SLC35D1: variants seen among roughly 807,000 people sequenced by gnomAD.
SLC35D1 encodes solute carrier family 35 member D1, also known as nucleotide sugar transporter SLC35D1.
Under a neutral mutation model 46.7 loss-of-function variants are expected in SLC35D1, and 31 were observed. The observed-to-expected ratio is 0.66, with a 90% CI of 0.50 to 0.90. The LOEUF is 0.90. Among genes scored for constraint, SLC35D1 ranks in the 40% least tolerant of loss-of-function variants. The probability of loss-of-function intolerance (pLI) is 0.00; values close to 1 mark genes in which losing one functional copy is unlikely to be tolerated. For synonymous variants in SLC35D1, 195 were observed against 164.6 expected, an observed-to-expected ratio of 1.18 and a Z score of -1.41; for missense variants, 397 against 426.2, an observed-to-expected ratio of 0.93 and a Z score of 0.60.
the SLC35D1 span, among the ~76,000 whole-genome samples, chr1:66,990,777 C>G: frequency 5.3e-5 from 8 of 152,096 alleles, no homozygotes; most frequent in African/African-American, 9.7e-5. Flanking sequence ...CTTAGAGTGG[C>G]CAGACCCCCT....
intron 8 of SLC35D1, among the ~76,000 whole-genome samples, chr1:67,027,364 T>C (rs1667935330): frequency 6.6e-6 from 1 of 152,204 alleles, no homozygotes; most frequent in Non-Finnish European, 1.5e-5. Flanking sequence ...TGGTTTTCAT[T>C]GCATTGATTT....
At chr1:67,034,370 T>C (rs1668080938) in intron 8 of SLC35D1, among the ~76,000 whole-genome samples, 1 of 152,208 alleles carries the variant, frequency 6.6e-6, no homozygotes, top group Admixed American at 6.5e-5. Context: ...ATTTCTTGCA[T>C]CAGTGTTTTA....
chr1:67,050,276 A>G (rs1570646566), intron 5 of SLC35D1, among the ~76,000 whole-genome samples, 157 bp downstream of exon 5: 1 of 152,022 alleles, frequency 6.6e-6, no homozygotes, highest in Non-Finnish European at 1.5e-5. Context: ...CCCAACTACC[A>G]CTCCCACAAA....
the SLC35D1 span, chr1:66,985,264 G>T: frequency 1.0e-6 from 1 of 978,484 alleles, no homozygotes; most frequent in Non-Finnish European, 1.2e-6. Flanking sequence ...TCACTACAAG[G>T]TAATTTTTGC....
downstream of SLC35D1, among the ~76,000 whole-genome samples, chr1:66,996,604 A>G (rs923139892): frequency 6.6e-6 from 1 of 152,170 alleles, no homozygotes; most frequent in Non-Finnish European, 1.5e-5. Context: ...GGCTTGATGG[A>G]TGGATGAACC....
chr1:67,021,788 G>A (rs1200817880), intron 8 of SLC35D1, among the ~76,000 whole-genome samples, 186 bp from the exon 9 acceptor site: 1 of 151,198 alleles, frequency 6.6e-6, no homozygotes, highest in Admixed American at 6.6e-5. Flanking sequence ...TTACTCCAAG[G>A]ATAGAGAGTG....
intron 1 of SLC35D1, 120 bp from the exon 2 acceptor site, chr1:67,053,109 C>T: frequency 8.4e-7 from 1 of 1,190,698 alleles, no homozygotes; most frequent in Non-Finnish European, 1.2e-6. Context: ...CAACGTCCGC[C>T]CCTAAATCAA....
intron 11 of SLC35D1, chr1:67,008,485 C>T: frequency 7.8e-7 from 1 of 1,285,924 alleles, no homozygotes; most frequent in Non-Finnish European, 1.0e-6. Context: ...AGTTACAGTT[C>T]CTGAGACAGG....
Position 67,019,242 on chromosome 1 carries a change from T to C in SLC35D1, c.876+1127A>G, listed in dbSNP as rs114684243. Among the ~76,000 whole-genome samples the C allele has an allele frequency of 3.1e-3, 466 of 152,306 alleles. 1 individual carries two copies. The highest frequency in any genetic ancestry group is 0.011 in the African/African-American group (437 of 41,574). ...ATTTCTCACATTCTCGCTACTCTTA[T>C]GCTGAAGACGAAAGCCATCCACTTT... On this transcript the variant is annotated intron_variant, in intron 10 of 11. Coordinates refer to ENST00000235345, the MANE Select transcript of SLC35D1 (RefSeq NM_015139.3).
intron 6 of SLC35D1, among the ~76,000 whole-genome samples, chr1:67,047,891 A>C (rs2208577): frequency 0.69 from 104,925 of 152,024 alleles, 36,459 homozygotes; most frequent in African/African-American, 0.77. Flanking sequence ...GCAGGAACTC[A>C]AATACTTAAA....
intron 7 of SLC35D1, among the ~76,000 whole-genome samples, chr1:67,043,109 C>A (rs940138487): frequency 1.3e-5 from 2 of 151,826 alleles, no homozygotes; most frequent in African/African-American, 4.8e-5. Context: ...GCGGGAGAAT[C>A]GCTTGAACTC....
the SLC35D1 span, among the ~76,000 whole-genome samples, chr1:66,989,764 T>TAAAC: frequency 2.6e-5 from 4 of 152,192 alleles, no homozygotes; most frequent in Admixed American, 1.3e-4. Flanking sequence ...TGTCTGAGCT[T>TAAAC]AAACATTTTT....
Position 67,047,340 on chromosome 1 carries a change from T to C in SLC35D1, c.561A>G (p.Gly187=). 6.2e-7 allele frequency: 1 copy of C among 1,613,304 alleles called. No individual in the cohort carries two copies. Among genetic ancestry groups the C allele is most frequent in the Non-Finnish European group, 8.5e-7 (1 of 1,179,884 alleles). Reference sequence around the variant, plus strand: ...CATCGTTTATCAGAATAAAAGCATATCCTTCCAGATCAAATGCCAAGTCAG... The same window carrying C: ...CATCGTTTATCAGAATAAAAGCATACCCTTCCAGATCAAATGCCAAGTCAG... ...ASSDLAFDLE[G]YAFILINDVL... The change falls in exon 7 of 12, where the codon GGA becomes GGG. Residue 187 remains glycine (G), a synonymous_variant. Transcript: ENST00000235345.
the SLC35D1 span, among the ~76,000 whole-genome samples, chr1:66,994,176 A>T: frequency 1.3e-5 from 2 of 152,208 alleles, no homozygotes; most frequent in African/African-American, 4.8e-5. Flanking sequence ...GCCCTTCGGG[A>T]AAGGTTCCGT....
the SLC35D1 span, among the ~76,000 whole-genome samples, chr1:66,991,373 G>C: frequency 2.0e-5 from 3 of 152,162 alleles, no homozygotes; most frequent in Admixed American, 6.5e-5. Flanking sequence ...CACATTGCTA[G>C]CCTGAGTCCC....
intron 10 of SLC35D1, among the ~76,000 whole-genome samples, chr1:67,011,652 T>G (rs1667568237): frequency 6.6e-6 from 1 of 151,952 alleles, no homozygotes; most frequent in Non-Finnish European, 1.5e-5. Context: ...CTGGCTAATT[T>G]TTTTTATTTT....
chr1:67,013,249 CCTTT>C (rs749059282), intron 10 of SLC35D1, among the ~76,000 whole-genome samples: 1 of 144,630 alleles, frequency 6.9e-6, no homozygotes, highest in Non-Finnish European at 1.5e-5. Context: ...AATTTTACTT[CCTTT>C]CTTAGAAATT....
At chr1:66,973,041 T>G in the SLC35D1 span, 1 of 935,110 alleles carries the variant, frequency 1.1e-6, no homozygotes, top group Non-Finnish European at 1.7e-6. Context: ...GTTGAACAAC[T>G]CAAATGGTCA....
chr1:66,983,574 C>T, the SLC35D1 span, among the ~76,000 whole-genome samples: 2 of 152,112 alleles, frequency 1.3e-5, no homozygotes, highest in South Asian at 2.1e-4. Context: ...TTACTTTTCT[C>T]ACCTACTATA....
Sources: gnomAD v4.1 joint callset for allele counts (sites outside exome capture counted in the v4.1 genomes callset) on GRCh38, gnomAD v4.1.1 for gene constraint, MANE v1.5 for transcripts, NCBI Gene and HGNC (gene_info 2026-07-23, HGNC 2026-07-21) for gene names.